The following QSER1 variants were observed in gnomAD, a reference collection of about 807,000 sequenced individuals.
QSER1 encodes the protein glutamine and serine-rich protein 1.
A neutral mutation model predicts 158.5 loss-of-function variants in QSER1; 49 were observed. The ratio of observed to expected loss-of-function variants is 0.31; its 90% CI spans 0.25 to 0.39. The LOEUF (loss-of-function observed/expected upper bound fraction) is 0.39. Among genes scored for constraint, QSER1 ranks in the 10% least tolerant of loss-of-function variants. The probability of loss-of-function intolerance (pLI) is 1.00; values close to 1 mark genes in which losing one functional copy is unlikely to be tolerated. For missense variants in QSER1, 1,754 were observed against 2,010.3 expected (o/e 0.87, Z 2.44); for synonymous variants, 650 against 715.5 (o/e 0.91, Z 1.46).
chr11:32,949,388 T>C (rs1335087219), intron 4 of QSER1, among the ~76,000 whole-genome samples: 1 of 152,200 alleles, frequency 6.6e-6, no homozygotes, highest in Non-Finnish European at 1.5e-5. Context: ...GAACATGGTT[T>C]CTAAGTTTTT....
At position 32,893,402 on chromosome 11, in the gene QSER1, T is replaced by G. The variant is rs1056333128; in HGVS notation, c.209+68T>G. ...CCGGGGATGCGTTTGGGGCCTTCGC[T>G]CGGTTGCAGCGCCGCCCAGAGGTCT... On this transcript the variant is annotated intron_variant, in intron 1 of 12. Coordinates refer to ENST00000650167, the MANE Select transcript of QSER1 (RefSeq NM_001076786.3). The surrounding 1 kb of genome is among the most constrained non-coding windows in gnomAD (Gnocchi z 4.7). 20 of 152,256 alleles carry G rather than the reference T, an allele frequency of 1.3e-4. No homozygotes were observed. The highest frequency in any genetic ancestry group is 4.8e-4 in the African/African-American group (20 of 41,494). 9.4% of individuals were successfully genotyped at this position (152,256 alleles called of 1,614,324 possible). A position where few individuals can be genotyped will look rare whatever the true frequency, so the allele number is the denominator to read the frequency against.
At chr11:32,920,967 T>C (rs867726542) in intron 1 of QSER1, among the ~76,000 whole-genome samples, 43 of 152,296 alleles carry the variant, frequency 2.8e-4, no homozygotes, top group Admixed American at 1.4e-3. Context: ...AACATGGAGT[T>C]TTCATTTGAC....
chr11:32,969,256 A>C, intron 10 of QSER1, 113 bp downstream of exon 10: 1 of 706,050 alleles, frequency 1.4e-6, no homozygotes, highest in South Asian at 1.8e-5. Context: ...ACCTAATGAA[A>C]ATTTGGCTTT....
chr11:32,920,522 T>C (rs1458832663), intron 1 of QSER1, among the ~76,000 whole-genome samples: 1 of 152,180 alleles, frequency 6.6e-6, no homozygotes, highest in Non-Finnish European at 1.5e-5. Context: ...AAAAATAAAT[T>C]GGACTTCAAA....
At chr11:32,949,774 C>G (rs1852392113) in intron 4 of QSER1, among the ~76,000 whole-genome samples, 1 of 152,128 alleles carries the variant, frequency 6.6e-6, no homozygotes, top group Admixed American at 6.5e-5. Flanking sequence ...AGGTCTTTTC[C>G]CTTGAGTGGG....
chr11:32,917,832 A>AAC (rs1219371127), intron 1 of QSER1, among the ~76,000 whole-genome samples: 3 of 151,474 alleles, frequency 2.0e-5, no homozygotes, highest in East Asian at 1.9e-4. Context: ...AAAAAAAAAA[A>AAC]AAAAAAAAAA....
chr11:32,909,319 AG>A (rs1249911850), intron 1 of QSER1, among the ~76,000 whole-genome samples: 1 of 152,192 alleles, frequency 6.6e-6, no homozygotes, highest in Non-Finnish European at 1.5e-5. Context: ...GGTTCAAGGA[AG>A]GGAAGTATCT....
chr11:32,920,529 C>T (rs1479617019), intron 1 of QSER1, among the ~76,000 whole-genome samples: 1 of 152,012 alleles, frequency 6.6e-6, no homozygotes, highest in African/African-American at 2.4e-5. Flanking sequence ...AATTGGACTT[C>T]AAAATAAAAA....
intron 10 of QSER1, among the ~76,000 whole-genome samples, chr11:32,971,802 G>A (rs1040721393): frequency 6.6e-6 from 1 of 152,056 alleles, no homozygotes; most frequent in African/African-American, 2.4e-5. Flanking sequence ...GGTGGCTCAC[G>A]CCTGAAATCC....
rs1853035276 is a variant in QSER1, at chr11:32,979,431, A to C, written c.*2957A>C. On this transcript the variant is annotated 3_prime_UTR_variant, in exon 13 of 13. Transcript: ENST00000650167. ...TGGCTGCTGAAGGGGCCCCCTTGTC[A>C]TTTTCATTATAACCCAATTTCCACT... The C allele has an allele frequency of 6.6e-6, 1 of 152,252 alleles. No individual in the cohort carries two copies. Among genetic ancestry groups the C allele is most frequent in the Non-Finnish European group, 1.5e-5 (1 of 68,026 alleles). The allele number at this position is 152,252 out of a possible 1,614,324, so 9.4% of individuals were successfully genotyped here.
chr11:32,963,247 C>G (rs919660906), intron 8 of QSER1, among the ~76,000 whole-genome samples: 2 of 150,976 alleles, frequency 1.3e-5, no homozygotes, highest in African/African-American at 4.9e-5. Context: ...CCTCAATATC[C>G]CAGGCTCATG....
Position 32,925,494 on chromosome 11 carries a change from T to TTTTTTTTA in QSER1, c.210-1660_210-1659insTTTTATTT, listed in dbSNP as rs1554926205. Among the ~76,000 whole-genome samples, 620 of 143,632 alleles carry TTTTTTTTA rather than the reference T, an allele frequency of 4.3e-3. 4 individuals carry two copies. The highest frequency in any genetic ancestry group is 6.8e-3 in the Non-Finnish European group (450 of 65,758). 94.2% of individuals were successfully genotyped at this position (143,632 alleles called of 152,430 possible). On this transcript the variant is annotated intron_variant, in intron 1 of 12. Coordinates refer to ENST00000650167, the MANE Select transcript of QSER1 (RefSeq NM_001076786.3). ...CTACTGGAATGTTGATACATCGCTT[T>TTTTTTTTA]TTTATTTATTTATTTATTTATTTAT...
intron 11 of QSER1, among the ~76,000 whole-genome samples, chr11:32,974,365 G>A (rs2133616437): frequency 6.6e-6 from 1 of 151,892 alleles, no homozygotes; most frequent in East Asian, 1.9e-4. Context: ...AATTGAGACT[G>A]CAGTGAGCTG....
At chr11:32,967,107 G>A (rs976246897) in intron 9 of QSER1, among the ~76,000 whole-genome samples, 3 of 152,076 alleles carry the variant, frequency 2.0e-5, no homozygotes, top group South Asian at 2.1e-4. Context: ...CCCATCAGCC[G>A]ATGAGTGAAT....
chr11:32,907,321 C>T (rs1383555659), intron 1 of QSER1, among the ~76,000 whole-genome samples: 1 of 152,040 alleles, frequency 6.6e-6, no homozygotes, highest in Non-Finnish European at 1.5e-5. Flanking sequence ...TTGTATTAAA[C>T]CAAAGATATG....
At chr11:32,899,824 C>T (rs1051415392) in intron 1 of QSER1, among the ~76,000 whole-genome samples, 1 of 152,048 alleles carries the variant, frequency 6.6e-6, no homozygotes, top group African/African-American at 2.4e-5. Flanking sequence ...GTGTAGTTGC[C>T]ATATATGTGA....
At chr11:32,945,645 C>T (rs1024163347) in intron 4 of QSER1, among the ~76,000 whole-genome samples, 9 of 151,148 alleles carry the variant, frequency 6.0e-5, no homozygotes, top group Non-Finnish European at 1.2e-4. Flanking sequence ...GGTAACCCGA[C>T]CTTTCTCTCT....
Position 32,934,968 on chromosome 11 carries a change from A to T in QSER1, c.3710A>T (p.Asp1237Val), listed in dbSNP as rs1276996707. The T allele has an allele frequency of 6.2e-7, 1 of 1,614,182 alleles. No homozygotes were observed. Among genetic ancestry groups the T allele is most frequent in the Non-Finnish European group, 8.5e-7 (1 of 1,180,018 alleles). The change falls in exon 4 of 13, where the codon GAT (aspartate) becomes GTT (valine). Residue 1237 changes from aspartate to valine, a missense_variant. This residue lies in a region of QSER1 where 1,707 missense variants were observed against 1,919.6 expected (regional missense o/e 0.89). Transcript: ENST00000650167. ...AAACGCCAGAATCCAAGGGGAACAG[A>T]TATTTACTTACCGTATACTCCTCCT... ...QGKRQNPRGTDIYLPYTPPSS... is the reference protein window; with the variant it reads ...QGKRQNPRGTVIYLPYTPPSS...
At chr11:32,975,712 C>A in intron 12 of QSER1, 1 of 1,033,364 alleles carries the variant, frequency 9.7e-7, no homozygotes, top group Non-Finnish European at 1.2e-6. Flanking sequence ...TTACTTATTA[C>A]TTAGAATGGC....
Sources: allele counts gnomAD v4.1 joint callset (sites outside exome capture counted in the v4.1 genomes callset), GRCh38; gene constraint gnomAD v4.1.1; regional missense constraint gnomAD v4.1.1; non-coding constraint Gnocchi (gnomAD v3.1); transcripts MANE v1.5; gene names NCBI Gene and HGNC (gene_info 2026-07-23, HGNC 2026-07-21).